Variants in JARID2 observed in about 807,000 individuals in gnomAD.
JARID2 encodes protein Jumonji.
JARID2 carries 21 observed loss-of-function variants against 125.6 expected under a neutral mutation model. The observed-to-expected ratio is 0.17, with a 90% confidence interval of 0.12 to 0.24. The LOEUF is 0.24. Ranked by LOEUF, JARID2 falls within the 10% of genes least tolerant of loss-of-function variation. The pLI, the probability that JARID2 is intolerant of heterozygous loss-of-function variation, is 1.00. For synonymous variants in JARID2, 736 were observed against 661.6 expected, an observed-to-expected ratio of 1.11 and a Z score of -1.73; for missense variants, 1,303 against 1,639.6, an observed-to-expected ratio of 0.79 and a Z score of 3.55.
At chr6:15,307,653 C>T (rs16876210) in intron 1 of JARID2, among the ~76,000 whole-genome samples, 18,907 of 152,180 alleles carry the variant, frequency 0.12, 1,637 homozygotes, top group African/African-American at 0.24. Flanking sequence ...TATTTTTCTT[C>T]TCTGATGACT....
At chr6:15,297,163 T>A (rs1029001829) in intron 1 of JARID2, among the ~76,000 whole-genome samples, 4 of 152,184 alleles carry the variant, frequency 2.6e-5, no homozygotes, top group African/African-American at 9.7e-5. Context: ...AAATTATAAT[T>A]TTTTTGAGAA....
intron 3 of JARID2, among the ~76,000 whole-genome samples, chr6:15,432,806 T>C (rs1265773184): frequency 6.6e-6 from 1 of 152,248 alleles, no homozygotes; most frequent in Non-Finnish European, 1.5e-5. Context: ...GTTTGGTTTG[T>C]ATCTAAGCTG....
intron 2 of JARID2, among the ~76,000 whole-genome samples, chr6:15,402,399 A>T (rs1337222824): frequency 6.6e-6 from 1 of 152,230 alleles, no homozygotes; most frequent in African/African-American, 2.4e-5. Flanking sequence ...ACTTGAAGGT[A>T]GAAGAATATC....
At position 15,403,324 on chromosome 6, in the gene JARID2, G is replaced by C. The variant is rs1042824992; in HGVS notation, c.182-6900G>C. On this transcript the variant is annotated intron_variant, in intron 2 of 17. Transcript: ENST00000341776. ...TTTTGTTGGAGCCTTTCAGTGAGCA[G>C]TGTTTTCTGTCCCCCTGGGATTGTT... 2.0e-5 allele frequency among the ~76,000 whole-genome samples: 3 copies of C among 152,188 alleles called. No homozygotes were observed. In the East Asian group the frequency reaches 5.8e-4, roughly 29 times the overall value.
intron 3 of JARID2, among the ~76,000 whole-genome samples, chr6:15,414,748 TGTG>T (rs1437610680): frequency 6.6e-6 from 1 of 152,068 alleles, no homozygotes; most frequent in Non-Finnish European, 1.5e-5. Context: ...TTTTGATCAT[TGTG>T]GTGGGTGAGA....
At chr6:15,263,989 G>C (rs1003091635) in intron 1 of JARID2, among the ~76,000 whole-genome samples, 1 of 152,158 alleles carries the variant, frequency 6.6e-6, no homozygotes, top group Admixed American at 6.6e-5. Context: ...ACCTTCCTGG[G>C]CTCAAGCGAT....
At chr6:15,430,450 A>G (rs561107112) in intron 3 of JARID2, among the ~76,000 whole-genome samples, 2 of 152,304 alleles carry the variant, frequency 1.3e-5, no homozygotes, top group Non-Finnish European at 2.9e-5. Flanking sequence ...TGCTGTTTAT[A>G]TGTGGTTGCC....
rs552681788 is a variant in JARID2, at chr6:15,381,002, G to C, written c.181+6750G>C. Reference sequence around the variant, plus strand: ...TTCAGGTCTAGCTGTACTAGAGATGGTGCCTACTTTATCATTATCATTTAT... The same window carrying C: ...TTCAGGTCTAGCTGTACTAGAGATGCTGCCTACTTTATCATTATCATTTAT... On this transcript the variant is annotated intron_variant, in intron 2 of 17. Transcript: ENST00000341776. 7.4e-4 allele frequency among the ~76,000 whole-genome samples: 113 copies of C among 152,118 alleles called. 1 individual carries two copies. Among genetic ancestry groups the C allele is most frequent in the Admixed American group, 4.3e-3 (65 of 15,290 alleles).
At chr6:15,409,420 T>C (rs1765786210) in intron 2 of JARID2, among the ~76,000 whole-genome samples, 1 of 152,190 alleles carries the variant, frequency 6.6e-6, no homozygotes, top group Non-Finnish European at 1.5e-5. Context: ...ACATGTCTTA[T>C]CAGTGGAAGC....
chr6:15,393,352 C>A (rs1463639999), intron 2 of JARID2, among the ~76,000 whole-genome samples: 1 of 152,198 alleles, frequency 6.6e-6, no homozygotes, highest in Non-Finnish European at 1.5e-5. Context: ...TCTTTGTCTA[C>A]CTTTGTCATT....
At chr6:15,415,814 CG>C (rs1164974313) in intron 3 of JARID2, among the ~76,000 whole-genome samples, 61 of 113,302 alleles carry the variant, frequency 5.4e-4, no homozygotes, top group African/African-American at 1.9e-3. Flanking sequence ...GCTGGCCGGG[CG>C]GGGGGCTGAC....
At position 15,279,675 on chromosome 6, in the gene JARID2, A is replaced by G. The variant is rs555367045; in HGVS notation, c.45+33091A>G. On this transcript the variant is annotated intron_variant, in intron 1 of 17. Transcript: ENST00000341776. Reference sequence around the variant, plus strand: ...TTCATGTACACCATTATTAATTTGTACTTGTGTTAATTTGTCAGAGTTGAT... The same window carrying G: ...TTCATGTACACCATTATTAATTTGTGCTTGTGTTAATTTGTCAGAGTTGAT... Among the ~76,000 whole-genome samples, 89 of 152,286 alleles carry G rather than the reference A, an allele frequency of 5.8e-4. 1 individual carries two copies. The South Asian group carries it at 7.3e-3, about 12-fold the overall frequency.
At chr6:15,413,023 G>GTTTTTTTTTTTTT (rs1349875486) in intron 3 of JARID2, among the ~76,000 whole-genome samples, 4 of 68,006 alleles carry the variant, frequency 5.9e-5, no homozygotes, top group South Asian at 4.7e-4. Context: ...TTTTTTTTTT[G>GTTTTTTTTTTTTT]TTTTTTTTTT....
chr6:15,289,757 A>T (rs1760873592), intron 1 of JARID2, among the ~76,000 whole-genome samples: 1 of 152,052 alleles, frequency 6.6e-6, no homozygotes, highest in African/African-American at 2.4e-5. Context: ...GAGGCAGGAG[A>T]ATCACTTGAA....
rs533166787 is a variant in JARID2, at chr6:15,509,089, G to A, written c.2846+635G>A. ...TACCCTGTGGAGTCTGTTGCCTGGC[G>A]AGGTGTTCTGGGTCCCCGCCTGTAA... On this transcript the variant is annotated intron_variant, in intron 12 of 17. Coordinates refer to ENST00000341776, the MANE Select transcript of JARID2 (RefSeq NM_004973.4). 285 of 1,289,286 alleles carry A rather than the reference G, an allele frequency of 2.2e-4. 1 individual carries two copies. The highest frequency in any genetic ancestry group is 2.1e-3 in the South Asian group (172 of 81,028). The allele number at this position is 1,289,286 out of a possible 1,614,324, so 79.9% of individuals were successfully genotyped here.
At chr6:15,463,891 A>G (rs1431281390) in intron 4 of JARID2, among the ~76,000 whole-genome samples, 2 of 152,238 alleles carry the variant, frequency 1.3e-5, no homozygotes, top group African/African-American at 2.4e-5. Flanking sequence ...GAGGGGTTTG[A>G]AATATCCTTT....
At position 15,247,531 on chromosome 6, in the gene JARID2, CTCT is replaced by C. The variant is rs1419567699; in HGVS notation, c.45+949_45+951del. On this transcript the variant is annotated intron_variant, in intron 1 of 17. Coordinates refer to ENST00000341776, the MANE Select transcript of JARID2 (RefSeq NM_004973.4). The stretch of plus-strand genomic sequence containing the variant: ...TAGCTGCATGCTTTAAATTAAATAA[CTCT>C]TTTTTTTTTTCAAAAAAGGCCAAAT... 278 of 812,966 alleles carry C rather than the reference CTCT, an allele frequency of 3.4e-4. 1 individual carries two copies. The African/African-American group carries it at 0.011, about 33-fold the overall frequency. The allele number at this position is 812,966 out of a possible 1,614,324, so 50.4% of individuals were successfully genotyped here. A position where few individuals can be genotyped will look rare whatever the true frequency, so the allele number is the denominator to read the frequency against.
intron 3 of JARID2, among the ~76,000 whole-genome samples, chr6:15,437,096 G>A (rs949821030): frequency 5.9e-5 from 9 of 152,106 alleles, no homozygotes; most frequent in African/African-American, 2.2e-4. Flanking sequence ...GAAGCACAGG[G>A]GTGTGTGGTC....
chr6:15,492,915 AAGG>A (rs1770225721), intron 6 of JARID2, among the ~76,000 whole-genome samples: 1 of 152,148 alleles, frequency 6.6e-6, no homozygotes, highest in African/African-American at 2.4e-5. Context: ...CTATAATAAG[AAGG>A]AAAATATTGC....
Sources: allele counts gnomAD v4.1 joint callset (sites outside exome capture counted in the v4.1 genomes callset), GRCh38; gene constraint gnomAD v4.1.1; transcripts MANE v1.5; gene names NCBI Gene and HGNC (gene_info 2026-07-23, HGNC 2026-07-21).